Variants in MMP14 observed in about 807,000 individuals in gnomAD.
MMP14 encodes matrix metallopeptidase 14.
A neutral mutation model predicts 64.8 loss-of-function variants in MMP14; 13 were observed. The ratio of observed to expected loss-of-function variants is 0.20; its 90% confidence interval spans 0.13 to 0.32. The LOEUF (loss-of-function observed/expected upper bound fraction) is 0.32. Ranked by LOEUF, MMP14 falls within the 10% of genes least tolerant of loss-of-function variation. The pLI, the probability that MMP14 is intolerant of heterozygous loss-of-function variation, is 1.00. For missense variants in MMP14, 594 were observed against 783.8 expected, an observed-to-expected ratio of 0.76 and a Z score of 2.89; for synonymous variants, 322 against 315.9, an observed-to-expected ratio of 1.02 and a Z score of -0.20.
rs1266488462 is a variant in MMP14, at chr14:22,842,810, G to C, written c.688+93G>C. On this transcript the variant is annotated intron_variant, in intron 4 of 9. Coordinates refer to ENST00000311852, the MANE Select transcript of MMP14 (RefSeq NM_004995.4). This position sits in a 1 kb window ranked among gnomAD's most constrained non-coding sequence, Gnocchi z 5.3. Reference sequence around the variant, plus strand: ...CCCTCCTTCCAAAATCTCCGGGCTAGAAGGGACCACAGAGACCTTCTGATC... The same window carrying C: ...CCCTCCTTCCAAAATCTCCGGGCTACAAGGGACCACAGAGACCTTCTGATC... The C allele has an allele frequency of 2.2e-6, 3 of 1,349,432 alleles. No individual in the cohort carries two copies. Among genetic ancestry groups the C allele is most frequent in the Non-Finnish European group, 2.0e-6 (2 of 990,944 alleles). 83.6% of individuals were successfully genotyped at this position (1,349,432 alleles called of 1,614,324 possible).
chr14:22,844,296 G>T, intron 6 of MMP14, 75 bp from the exon 7 acceptor site: 1 of 1,584,612 alleles, frequency 6.3e-7, no homozygotes, highest in South Asian at 1.1e-5. Context: ...ACAGCAGTGC[G>T]GGAGCTTTGG....
Position 22,842,340 on chromosome 14 carries a change from C to T in MMP14, c.381-70C>T. 6.6e-7 allele frequency: 1 copy of T among 1,526,604 alleles called. No homozygotes were observed. The highest frequency in any genetic ancestry group is 8.9e-7 in the Non-Finnish European group (1 of 1,121,418). The allele number at this position is 1,526,604 out of a possible 1,614,324, so 94.6% of individuals were successfully genotyped here. A position where few individuals can be genotyped will look rare whatever the true frequency, so the allele number is the denominator to read the frequency against. On this transcript the variant is annotated intron_variant, in intron 3 of 9. Transcript: ENST00000311852. The surrounding 1 kb of genome is among the most constrained non-coding windows in gnomAD (Gnocchi z 5.3). ...CCGCGCAGTCAGACCTGGGAGAGTG[C>T]AGGGAAGGAGAATGTTGCCCCTCTT...
chr14:22,836,812 C>T lies in MMP14; in HGVS notation c.-6C>T, dbSNP rs767244128. On this transcript the variant is annotated 5_prime_UTR_variant, in exon 1 of 10. Transcript: ENST00000311852. ...CACTGCCCGGCTGACCCGGTGGTCT[C>T]GGACCATGTCTCCCGCCCCAAGACC... 2.5e-6 allele frequency: 4 copies of T among 1,586,606 alleles called. No individual in the cohort carries two copies. Among genetic ancestry groups the T allele is most frequent in the East Asian group, 2.3e-5 (1 of 44,322 alleles).
chr14:22,841,455 G>T (rs1335733833), intron 1 of MMP14, 36 bp from the exon 2 acceptor site: 2 of 1,608,740 alleles, frequency 1.2e-6, no homozygotes. Context: ...TATGGGCCAG[G>T]TGGGGACACT....
chr14:22,837,028 TCTC>T, intron 1 of MMP14, 103 bp downstream of exon 1: 2 of 838,682 alleles, frequency 2.4e-6, no homozygotes, highest in Non-Finnish European at 2.0e-6. Flanking sequence ...GCTTTTGGGA[TCTC>T]CGCTGCTCAG....
At position 22,846,323 on chromosome 14, in the gene MMP14, C is replaced by A. The variant is rs567027479; in HGVS notation, c.*284C>A. On this transcript the variant is annotated 3_prime_UTR_variant, in exon 10 of 10. Coordinates refer to ENST00000311852, the MANE Select transcript of MMP14 (RefSeq NM_004995.4). ...ACCCTGTAGCTTTGTGTCTGTCCAG[C>A]CCCATCTGAATGTGTTGGGGGCTCT... is the stretch of plus-strand genomic sequence containing the variant. 3 of 435,088 alleles carry A rather than the reference C, an allele frequency of 6.9e-6. No homozygotes were observed. Among genetic ancestry groups the A allele is most frequent in the African/African-American group, 4.0e-5 (2 of 49,960 alleles). The allele number at this position is 435,088 out of a possible 1,614,324, so 27.0% of individuals were successfully genotyped here. A position where few individuals can be genotyped will look rare whatever the true frequency, so the allele number is the denominator to read the frequency against.
At chr14:22,841,786 C>A (rs942951753) in intron 2 of MMP14, 127 bp from the exon 3 acceptor site, 12 of 1,555,798 alleles carry the variant, frequency 7.7e-6, no homozygotes, top group Middle Eastern at 1.8e-4. Flanking sequence ...TCATATTCAC[C>A]CTGACCTCAT....
intron 1 of MMP14, 188 bp downstream of exon 1, chr14:22,837,113 C>G (rs1286941285): frequency 2.9e-6 from 2 of 690,002 alleles, no homozygotes; most frequent in African/African-American, 1.8e-5. Flanking sequence ...AACTTTTGCC[C>G]GCTTCCAACC....
intron 1 of MMP14, chr14:22,837,499 C>T (rs2039743161): frequency 6.9e-6 from 3 of 435,170 alleles, no homozygotes; most frequent in South Asian, 4.8e-5. Flanking sequence ...CCCGAGAGGA[C>T]CCCGCTGTGT....
rs150036710 is a variant in MMP14 at position 22,844,456 on chromosome 14, C to T, written c.1097C>T (p.Ala366Val). 5.8e-5 allele frequency: 94 copies of T among 1,614,016 alleles called. No homozygotes were observed. The highest frequency in any genetic ancestry group is 3.5e-4 in the African/African-American group (26 of 74,918). The change falls in exon 7 of 10, where the codon GCG (alanine) becomes GTG (valine). Residue 366 changes from alanine to valine, a missense_variant. Transcript: ENST00000311852. ...PIGQFWRGLPASINTAYERKD... is the reference protein window; with the variant it reads ...PIGQFWRGLPVSINTAYERKD... ...GGCCAGTTCTGGCGGGGCCTGCCTG[C>T]GTCCATCAACACTGCCTACGAGAGG... is the stretch of plus-strand genomic sequence containing the variant.
At chr14:22,840,223 T>C (rs1213851774) in intron 1 of MMP14, among the ~76,000 whole-genome samples, 1 of 152,178 alleles carries the variant, frequency 6.6e-6, no homozygotes, top group Non-Finnish European at 1.5e-5. Flanking sequence ...CGCCTTGGCC[T>C]CCCAAACTGT....
In MMP14 at chr14:22,842,081, T is replaced by G; in HGVS notation, c.380+46T>G. 6.2e-7 allele frequency: 1 copy of G among 1,612,166 alleles called. No homozygotes were observed. The highest frequency in any genetic ancestry group is 8.5e-7 in the Non-Finnish European group (1 of 1,178,600). On this transcript the variant is annotated intron_variant, in intron 3 of 9. Transcript: ENST00000311852. This position sits in a 1 kb window ranked among gnomAD's most constrained non-coding sequence, Gnocchi z 5.3. ...ACCTTTCTCACATCTGGTTATTATT[T>G]CCTACCCATTGTGCTTATGCAGGGA...
chr14:22,845,563 C>G lies in MMP14; in HGVS notation c.1418-145C>G, dbSNP rs565884234. ...CCTTCCAACCTGGTACTATAAGCACCCCCATTTTACAGCTGAGGAAGCTGA... is the reference window on the plus strand; with the variant it reads ...CCTTCCAACCTGGTACTATAAGCACGCCCATTTTACAGCTGAGGAAGCTGA... On this transcript the variant is annotated intron_variant, in intron 9 of 9. Coordinates refer to ENST00000311852, the MANE Select transcript of MMP14 (RefSeq NM_004995.4). The G allele has an allele frequency of 3.0e-5, 29 of 964,102 alleles. No individual in the cohort carries two copies. The African/African-American group carries it at 4.4e-4, about 15-fold the overall frequency. The allele number at this position is 964,102 out of a possible 1,614,324, so 59.7% of individuals were successfully genotyped here.
rs553539777 is a variant in MMP14, at chr14:22,840,234, C to T, written c.109-1257C>T. On this transcript the variant is annotated intron_variant, in intron 1 of 9. Transcript: ENST00000311852. The stretch of plus-strand genomic sequence containing the variant: ...TGCCCGCCTTGGCCTCCCAAACTGT[C>T]GGGATTACAGGCGTCAGCCACCACG... 5.9e-5 allele frequency among the ~76,000 whole-genome samples: 9 copies of T among 152,038 alleles called. No individual in the cohort carries two copies. The South Asian group carries it at 1.5e-3, about 25-fold the overall frequency.
Position 22,844,423 on chromosome 14 carries a change from T to A in MMP14, c.1064T>A (p.Met355Lys), listed in dbSNP as rs2039796973. 1 of 1,614,026 alleles carries A rather than the reference T, an allele frequency of 6.2e-7. No individual in the cohort carries two copies. The highest frequency in any genetic ancestry group is 8.5e-7 in the Non-Finnish European group (1 of 1,180,002). Reference sequence around the variant, plus strand: ...AACCAAGTGATGGATGGATACCCAATGCCCATTGGCCAGTTCTGGCGGGGC... The same window carrying A: ...AACCAAGTGATGGATGGATACCCAAAGCCCATTGGCCAGTTCTGGCGGGGC... ...RNNQVMDGYP[M>K]PIGQFWRGLP... Residue 355 changes from methionine (M) to lysine (K), a missense_variant, in exon 7 of 10, where the codon ATG becomes AAG. Met to Lys is a moderately conservative substitution (Grantham distance 95). This residue lies in a region of MMP14 where 364 missense variants were observed against 425.2 expected (regional missense o/e 0.86). Transcript: ENST00000311852.
chr14:22,838,848 A>G (rs2039753175), intron 1 of MMP14, among the ~76,000 whole-genome samples: 1 of 152,148 alleles, frequency 6.6e-6, no homozygotes, highest in Non-Finnish European at 1.5e-5. Flanking sequence ...AAACTTGCCT[A>G]GGCCTGGGGG....
Position 22,845,292 on chromosome 14 carries a change from A to G in MMP14, c.1343A>G (p.Glu448Gly). 1 of 1,613,748 alleles carries G rather than the reference A, an allele frequency of 6.2e-7. No homozygotes were observed. The highest frequency in any genetic ancestry group is 8.5e-7 in the Non-Finnish European group (1 of 1,179,890). The change falls in exon 9 of 10, where the codon GAG becomes GGG. Residue 448 changes from glutamate (E) to glycine (G), a missense_variant. Physicochemically the swap from Glu to Gly is moderately conservative, Grantham distance 98 (BLOSUM62 -2). Transcript: ENST00000311852. ...FNEELRAVDS[E>G]YPKNIKVWEG... Reference sequence around the variant, plus strand: ...GAAGAGCTCAGGGCAGTGGATAGCGAGTACCCCAAGAACATCAAAGTCTGG... The same window carrying G: ...GAAGAGCTCAGGGCAGTGGATAGCGGGTACCCCAAGAACATCAAAGTCTGG...
chr14:22,838,495 C>G (rs1052109734), intron 1 of MMP14, among the ~76,000 whole-genome samples: 11 of 152,180 alleles, frequency 7.2e-5, no homozygotes, highest in Non-Finnish European at 5.9e-5. Context: ...GAGGTCCCCC[C>G]ACCCTCCCCT....
Position 22,843,206 on chromosome 14 carries a change from G to C in MMP14, c.689-51G>C, listed in dbSNP as rs770475295. 6.4e-7 allele frequency: 1 copy of C among 1,567,314 alleles called. No homozygotes were observed. Among genetic ancestry groups the C allele is most frequent in the Non-Finnish European group, 8.7e-7 (1 of 1,150,564 alleles). On this transcript the variant is annotated intron_variant, in intron 4 of 9. Transcript: ENST00000311852. The surrounding 1 kb of genome is among the most constrained non-coding windows in gnomAD (Gnocchi z 4.8). The stretch of plus-strand genomic sequence containing the variant: ...AAAGCTGCTGGTGGGGAAGCAGGGA[G>C]GCTGAGGGAAGGGACTCAGGCTGCT...
Sources: allele counts gnomAD v4.1 joint callset (sites outside exome capture counted in the v4.1 genomes callset), GRCh38; gene constraint gnomAD v4.1.1; regional missense constraint gnomAD v4.1.1; non-coding constraint Gnocchi (gnomAD v3.1); transcripts MANE v1.5; gene names NCBI Gene and HGNC (gene_info 2026-07-23, HGNC 2026-07-21).